Variants in SLCO1B3 observed in about 807,000 individuals in gnomAD.
The protein encoded by SLCO1B3 is solute carrier organic anion transporter family member 1B3.
Under a neutral mutation model 71.8 loss-of-function variants are expected in SLCO1B3, and 72 were observed. That is an observed-to-expected ratio of 1.00 (90% confidence interval 0.83 to 1.22). The LOEUF is 1.22. Among genes scored for constraint, SLCO1B3 ranks in the 50% most tolerant of loss-of-function variants. SLCO1B3 has a pLI of 0.00. For missense variants in SLCO1B3, 911 were observed against 819.7 expected, an observed-to-expected ratio of 1.11 and a Z score of -1.36; for synonymous variants, 298 against 278.4, an observed-to-expected ratio of 1.07 and a Z score of -0.70.
At chr12:20,850,507 C>A (rs1475350728) in intron 3 of SLCO1B3, among the ~76,000 whole-genome samples, 2 of 152,022 alleles carry the variant, frequency 1.3e-5, no homozygotes, top group Non-Finnish European at 2.9e-5. Flanking sequence ...TGGTCTCGAT[C>A]TCCTGACCTC....
chr12:20,878,670 C>T (rs1865630683), intron 10 of SLCO1B3, among the ~76,000 whole-genome samples: 2 of 152,090 alleles, frequency 1.3e-5, no homozygotes, highest in Non-Finnish European at 2.9e-5. Flanking sequence ...GATGATCTCC[C>T]TGTTGAACTG....
chr12:20,864,325 A>G (rs901061334), intron 8 of SLCO1B3, among the ~76,000 whole-genome samples: 5 of 151,886 alleles, frequency 3.3e-5, no homozygotes, highest in African/African-American at 1.2e-4. Context: ...CTTTGAGAAC[A>G]TGACAGAATC....
At chr12:20,903,424 G>C (rs1040783377) in intron 15 of SLCO1B3, among the ~76,000 whole-genome samples, 1 of 152,152 alleles carries the variant, frequency 6.6e-6, no homozygotes, top group South Asian at 2.1e-4. Context: ...GCTATGAAGA[G>C]CTACCTGAGA....
At chr12:20,860,309 T>C (rs1479920501) in intron 5 of SLCO1B3, among the ~76,000 whole-genome samples, 1 of 152,166 alleles carries the variant, frequency 6.6e-6, no homozygotes, top group East Asian at 1.9e-4. Flanking sequence ...GTATATTAAA[T>C]TTACTATATC....
At chr12:20,885,216 A>C (rs1865770531) in intron 13 of SLCO1B3, among the ~76,000 whole-genome samples, 1 of 152,154 alleles carries the variant, frequency 6.6e-6, no homozygotes, top group Admixed American at 6.6e-5. Flanking sequence ...AGTTTTCTGA[A>C]GCTGACTGGA....
At chr12:20,831,108 C>T (rs1408216987) in intron 3 of SLCO1B3, among the ~76,000 whole-genome samples, 1 of 152,062 alleles carries the variant, frequency 6.6e-6, no homozygotes. Flanking sequence ...CCTGTAATCC[C>T]AGCACTTTGG....
intron 3 of SLCO1B3, among the ~76,000 whole-genome samples, chr12:20,833,285 G>A (rs1864581847): frequency 6.6e-6 from 1 of 151,866 alleles, no homozygotes; most frequent in Middle Eastern, 3.2e-3. Context: ...TCCTTGCCAT[G>A]TTACCTAACA....
At chr12:20,878,431 T>C (rs1478000768) in intron 10 of SLCO1B3, among the ~76,000 whole-genome samples, 1 of 152,146 alleles carries the variant, frequency 6.6e-6, no homozygotes, top group Admixed American at 6.5e-5. Flanking sequence ...TTAGAGAGGT[T>C]TATTTTGCTA....
At chr12:20,850,256 T>TTTTATTTA (rs67315737) in intron 3 of SLCO1B3, among the ~76,000 whole-genome samples, 9,561 of 142,962 alleles carry the variant, frequency 0.067, 493 homozygotes, top group East Asian at 0.24. Context: ...ATTATTATTA[T>TTTTATTTA]TTTATTTATT....
chr12:20,895,577 A>G lies in SLCO1B3; in HGVS notation c.1683-2859A>G, dbSNP rs370601687. On this transcript the variant is annotated intron_variant, in intron 13 of 15. Transcript: ENST00000381545. ...GAGGTAGGTTCCCGTAGTCTTGGGC[A>G]GCTCTATCCCTGTGGCTTTGCAGGG... Among the ~76,000 whole-genome samples the G allele has an allele frequency of 2.6e-5, 4 of 152,236 alleles. No individual in the cohort carries two copies. In the South Asian group the frequency reaches 8.3e-4, roughly 32 times the overall value.
At chr12:20,901,514 A>G (rs763563428) in intron 15 of SLCO1B3, 47 bp downstream of exon 15, 3 of 976,480 alleles carry the variant, frequency 3.1e-6, no homozygotes, top group Non-Finnish European at 4.6e-6. Flanking sequence ...TTCTTTGTCT[A>G]TGTTAATGTC....
At chr12:20,820,015 A>T (rs567333620) in intron 3 of SLCO1B3, among the ~76,000 whole-genome samples, 127 of 152,064 alleles carry the variant, frequency 8.4e-4, no homozygotes, top group Non-Finnish European at 1.6e-3. Context: ...GGGATAACTA[A>T]AAAAGAGTGC....
At chr12:20,905,329 AT>A (rs1866221136) in intron 15 of SLCO1B3, among the ~76,000 whole-genome samples, 2 of 152,184 alleles carry the variant, frequency 1.3e-5, no homozygotes, top group African/African-American at 4.8e-5. Flanking sequence ...TGTCTTGGCT[AT>A]TAACATTTGG....
Position 20,832,214 on chromosome 12 carries a change from C to G in SLCO1B3, c.84+16392C>G, listed in dbSNP as rs140938918. On this transcript the variant is annotated intron_variant, in intron 3 of 15. Coordinates refer to ENST00000381545, the MANE Select transcript of SLCO1B3 (RefSeq NM_019844.4). ...ATGGGACTTGGTTTACGTGCATGTG[C>G]GCACACTAATACACGTTGTTACTGA... 3.3e-5 allele frequency among the ~76,000 whole-genome samples: 5 copies of G among 152,256 alleles called. No homozygotes were observed. The East Asian group carries it at 9.6e-4, about 29-fold the overall frequency.
At chr12:20,851,903 TGA>T (rs1218156334) in intron 3 of SLCO1B3, among the ~76,000 whole-genome samples, 2 of 66,066 alleles carry the variant, frequency 3.0e-5, no homozygotes, top group Non-Finnish European at 5.4e-5. Flanking sequence ...CATCAATTGT[TGA>T]AGAGACTGGT....
chr12:20,820,984 G>A (rs528251875), intron 3 of SLCO1B3, among the ~76,000 whole-genome samples: 26 of 152,248 alleles, frequency 1.7e-4, no homozygotes, highest in Middle Eastern at 3.4e-3. Context: ...GAGGGGAGGC[G>A]ATAAAAAGTT....
At chr12:20,887,562 G>GT (rs917097307) in intron 13 of SLCO1B3, among the ~76,000 whole-genome samples, 1 of 151,408 alleles carries the variant, frequency 6.6e-6, no homozygotes, top group Admixed American at 6.6e-5. Flanking sequence ...TTTTAATGAG[G>GT]TTTTTTTCCT....
At chr12:20,863,257 A>G (rs1196482944) in intron 8 of SLCO1B3, among the ~76,000 whole-genome samples, 2 of 151,944 alleles carry the variant, frequency 1.3e-5, no homozygotes, top group Non-Finnish European at 2.9e-5. Flanking sequence ...GACTTACGGC[A>G]GGGGTGGGTT....
Position 20,879,615 on chromosome 12 carries a change from A to G in SLCO1B3, c.1315A>G (p.Thr439Ala). The G allele has an allele frequency of 6.2e-7, 1 of 1,608,772 alleles. No homozygotes were observed. Residue 439 changes from threonine to alanine, a missense_variant, in exon 11 of 16, where the codon ACC becomes GCC. Thr to Ala is a moderately conservative substitution (Grantham distance 58, BLOSUM62 0). Transcript: ENST00000381545. Reference sequence around the variant, plus strand: ...CGAAAGCAAATCAGTTGCCGGCCTAACCTTGACCTATGATGGGTTTGTATA... The same window carrying G: ...CGAAAGCAAATCAGTTGCCGGCCTAGCCTTGACCTATGATGGGTTTGTATA... ...ICESKSVAGLTLTYDGNNSVA... is the reference protein window; with the variant it reads ...ICESKSVAGLALTYDGNNSVA...
Sources: allele counts gnomAD v4.1 joint callset (sites outside exome capture counted in the v4.1 genomes callset), GRCh38; gene constraint gnomAD v4.1.1; transcripts MANE v1.5; gene names NCBI Gene and HGNC (gene_info 2026-07-23, HGNC 2026-07-21).